Variants in AP3S2 observed in about 807,000 individuals in gnomAD.
The protein encoded by AP3S2 is AP-3 complex subunit sigma-2.
AP3S2 carries 22 observed loss-of-function variants against 23.4 expected under a neutral mutation model. The ratio of observed to expected loss-of-function variants is 0.94; its 90% CI spans 0.67 to 1.34. The LOEUF is 1.34. Among genes scored for constraint, AP3S2 ranks in the 40% most tolerant of loss-of-function variants. The probability of loss-of-function intolerance (pLI) is 0.00; values close to 1 mark genes in which losing one functional copy is unlikely to be tolerated. For synonymous variants in AP3S2, 86 were observed against 87.1 expected, an observed-to-expected ratio of 0.99 and a Z score of 0.07; for missense variants, 241 against 236.9, an observed-to-expected ratio of 1.02 and a Z score of -0.11.
chr15:89,844,508 T>C (rs11636349), intron 4 of AP3S2, among the ~76,000 whole-genome samples: 55,716 of 150,798 alleles, frequency 0.37, 12,013 homozygotes, highest in Non-Finnish European at 0.49. Context: ...CAGCTTTTTT[T>C]CTTTTTTTTT....
intron 4 of AP3S2, among the ~76,000 whole-genome samples, chr15:89,840,602 AT>A (rs1895305024): frequency 6.6e-6 from 1 of 151,944 alleles, no homozygotes; most frequent in African/African-American, 2.4e-5. Context: ...TAATTTTTAT[AT>A]TTTTAGTAGA....
intron 5 of AP3S2, 64 bp from the exon 6 acceptor site, chr15:89,835,707 A>T (rs1895174302): frequency 1.3e-5 from 18 of 1,426,570 alleles, no homozygotes; most frequent in Non-Finnish European, 1.5e-5. Flanking sequence ...ATGCTAAAAA[A>T]AAAAAAAAAA....
chr15:89,893,854 G>C, intron 1 of AP3S2, 27 bp downstream of exon 1: 1 of 1,551,410 alleles, frequency 6.4e-7, no homozygotes, highest in Admixed American at 2.0e-5. Flanking sequence ...GCCCTGAAGG[G>C]GCGTGGTGAA....
chr15:89,881,823 ATT>A (rs752970064), intron 3 of AP3S2, among the ~76,000 whole-genome samples: 6 of 144,628 alleles, frequency 4.1e-5, no homozygotes, highest in Admixed American at 7.0e-5. Context: ...CATACTCTTC[ATT>A]TTTTTTTTTT....
intron 3 of AP3S2, among the ~76,000 whole-genome samples, chr15:89,879,765 C>T (rs1033000517): frequency 2.6e-5 from 4 of 151,906 alleles, no homozygotes; most frequent in African/African-American, 4.8e-5. Flanking sequence ...GTCACCACGC[C>T]TGGCTAATTT....
chr15:89,893,596 G>C, intron 1 of AP3S2: 1 of 459,618 alleles, frequency 2.2e-6, no homozygotes, highest in Admixed American at 4.0e-5. Context: ...ACTCCCCACT[G>C]TCGCTTCTAT....
At chr15:89,871,368 TA>T (rs1036518386) in intron 4 of AP3S2, 106 bp downstream of exon 4, 395 of 995,430 alleles carry the variant, frequency 4.0e-4, no homozygotes, top group Non-Finnish European at 4.5e-4. Context: ...ATCTTAAGAG[TA>T]AAAAAAAACA....
At chr15:89,880,932 GAA>G (rs142028463) in intron 3 of AP3S2, among the ~76,000 whole-genome samples, 2,245 of 152,244 alleles carry the variant, frequency 0.015, 76 homozygotes, top group African/African-American at 0.051. Context: ...GGAGGCAAAT[GAA>G]ACAAGATATT....
rs115392843 is a variant in AP3S2 at position 89,857,214 on chromosome 15, T to C, written c.345+14261A>G. 9.4e-3 allele frequency among the ~76,000 whole-genome samples: 1,429 copies of C among 152,274 alleles called. 33 individuals carry two copies. Among genetic ancestry groups the C allele is most frequent in the African/African-American group, 0.032 (1,350 of 41,548 alleles). ...TCAGGCTGGTCTTGAACTCCTGACC[T>C]CAAGTGATCCATCCACCTCGGCCTC... On this transcript the variant is annotated intron_variant, in intron 4 of 5. Transcript: ENST00000336418.
rs1895948683 is a variant in AP3S2, at chr15:89,859,327, TTTTCCTTCCTTTCCTTCCTTCCTTC to T, written c.345+12123_345+12147del. 4.8e-4 allele frequency among the ~76,000 whole-genome samples: 72 copies of T among 149,064 alleles called. 2 individuals carry two copies. Among genetic ancestry groups the T allele is most frequent in the African/African-American group, 1.6e-3 (65 of 40,142 alleles). ...TCCTTCCTTCCTTTCCTTCCTTCCT[TTTTCCTTCCTTTCCTTCCTTCCTTC>T]TTTCCTTCCTTTCCTTCCTTCCTTC... On this transcript the variant is annotated intron_variant, in intron 4 of 5. Coordinates refer to ENST00000336418, the MANE Select transcript of AP3S2 (RefSeq NM_005829.5).
At chr15:89,880,261 G>A (rs1896538948) in intron 3 of AP3S2, among the ~76,000 whole-genome samples, 1 of 152,056 alleles carries the variant, frequency 6.6e-6, no homozygotes, top group African/African-American at 2.4e-5. Context: ...ATCCAACAGG[G>A]ACTTTTTGGG....
At chr15:89,851,051 T>C (rs776413659) in intron 4 of AP3S2, among the ~76,000 whole-genome samples, 7 of 152,186 alleles carry the variant, frequency 4.6e-5, no homozygotes, top group Non-Finnish European at 8.8e-5. Context: ...TTTTCAAATA[T>C]GCTTAACATC....
At chr15:89,851,772 C>T (rs1195230698) in intron 4 of AP3S2, among the ~76,000 whole-genome samples, 2 of 150,962 alleles carry the variant, frequency 1.3e-5, no homozygotes, top group African/African-American at 4.9e-5. Flanking sequence ...AAACCAGTTC[C>T]TATTATGAGT....
intron 3 of AP3S2, among the ~76,000 whole-genome samples, chr15:89,879,366 G>A (rs890543262): frequency 2.0e-5 from 3 of 152,126 alleles, no homozygotes; most frequent in Admixed American, 6.5e-5. Context: ...TGTACTATGG[G>A]AATTAACATA....
At chr15:89,841,215 A>T (rs1307866471) in intron 4 of AP3S2, among the ~76,000 whole-genome samples, 1 of 152,234 alleles carries the variant, frequency 6.6e-6, no homozygotes, top group Non-Finnish European at 1.5e-5. Context: ...ACACTGCATC[A>T]TAAAGTCAGC....
intron 3 of AP3S2, among the ~76,000 whole-genome samples, chr15:89,881,186 G>C (rs1896561181): frequency 6.6e-6 from 1 of 152,188 alleles, no homozygotes; most frequent in Non-Finnish European, 1.5e-5. Context: ...AAGAAGCCTA[G>C]AGCATAGTGA....
chr15:89,859,179 C>CTTCT (rs1184110539), intron 4 of AP3S2, among the ~76,000 whole-genome samples: 2 of 150,660 alleles, frequency 1.3e-5, no homozygotes, highest in African/African-American at 4.9e-5. Context: ...TCCTTCCTTC[C>CTTCT]TTTCTTCCTT....
At chr15:89,885,201 GT>G (rs1269151421) in intron 3 of AP3S2, among the ~76,000 whole-genome samples, 33 of 142,584 alleles carry the variant, frequency 2.3e-4, no homozygotes, top group South Asian at 2.2e-4. Context: ...TTTTGTTCTT[GT>G]TTTTTTTTTT....
At chr15:89,866,232 A>C (rs905843862) in intron 4 of AP3S2, among the ~76,000 whole-genome samples, 2 of 134,050 alleles carry the variant, frequency 1.5e-5, no homozygotes, top group Non-Finnish European at 3.1e-5. Context: ...ACTGCACTCC[A>C]GCCTGGGCAA....
Sources: gnomAD v4.1 joint callset for allele counts (sites outside exome capture counted in the v4.1 genomes callset) on GRCh38, gnomAD v4.1.1 for gene constraint, MANE v1.5 for transcripts, NCBI Gene and HGNC (gene_info 2026-07-23, HGNC 2026-07-21) for gene names.